Variants in ABCG1 observed in about 807,000 individuals in gnomAD.
ABCG1 encodes ATP-binding cassette sub-family G member 1.
Under a neutral mutation model 69.2 loss-of-function variants are expected in ABCG1, and 29 were observed. That is an observed-to-expected ratio of 0.42 (90% CI 0.31 to 0.57). The LOEUF is 0.57. ABCG1 is among the 20% of genes least tolerant of loss of function. The pLI is 0.15. For missense variants in ABCG1, 718 were observed against 898.1 expected, an observed-to-expected ratio of 0.80 and a Z score of 2.56; for synonymous variants, 370 against 374.8, an observed-to-expected ratio of 0.99 and a Z score of 0.15.
At chr21:42,265,995 AGTGGACTT>A (rs1334438758) in intron 2 of ABCG1, among the ~76,000 whole-genome samples, 1 of 152,144 alleles carries the variant, frequency 6.6e-6, no homozygotes, top group African/African-American at 2.4e-5. Context: ...TTGCTTTGAC[AGTGGACTT>A]GTGAATTGCA....
In ABCG1 at chr21:42,275,302, G is replaced by A. The variant is rs144940001; in HGVS notation, c.538-1593G>A. Among the ~76,000 whole-genome samples the A allele has an allele frequency of 1.2e-4, 18 of 152,276 alleles. No homozygotes were observed. The East Asian group carries it at 3.1e-3, about 26-fold the overall frequency. On this transcript the variant is annotated intron_variant, in intron 4 of 14. Transcript: ENST00000398449. Reference sequence around the variant, plus strand: ...CTGCGTGTTCTGTGGGTAAGCAGACGCCATTCCCCTGGGCCCAGCATCCCT... The same window carrying A: ...CTGCGTGTTCTGTGGGTAAGCAGACACCATTCCCCTGGGCCCAGCATCCCT...
chr21:42,283,097 A>G (rs2068843755), intron 6 of ABCG1, among the ~76,000 whole-genome samples: 1 of 152,208 alleles, frequency 6.6e-6, no homozygotes, highest in Non-Finnish European at 1.5e-5. Context: ...GGTGGCCAGG[A>G]ACCAGGCTTC....
At chr21:42,200,580 A>G (rs902322271) in intron 1 of ABCG1, among the ~76,000 whole-genome samples, 1 of 148,188 alleles carries the variant, frequency 6.7e-6, no homozygotes, top group Non-Finnish European at 1.5e-5. Context: ...TTCAAATGCA[A>G]TACTTTTATG....
At chr21:42,232,487 G>C (rs934498486) in intron 2 of ABCG1, among the ~76,000 whole-genome samples, 2 of 152,190 alleles carry the variant, frequency 1.3e-5, no homozygotes, top group East Asian at 3.8e-4. Flanking sequence ...CAGATTGGCA[G>C]GTTCTTTATT....
chr21:42,272,352 G>T (rs987160320), intron 3 of ABCG1, among the ~76,000 whole-genome samples: 5 of 152,198 alleles, frequency 3.3e-5, no homozygotes, highest in African/African-American at 4.8e-5. Flanking sequence ...TCTCGGAGCT[G>T]CAGAGGCCAC....
rs1415533589 is a variant in ABCG1, at chr21:42,283,737, G to A, written c.735-823G>A. Among the ~76,000 whole-genome samples, 3 of 56,882 alleles carry A rather than the reference G, an allele frequency of 5.3e-5. 1 individual carries two copies. The highest frequency in any genetic ancestry group is 1.1e-4 in the Non-Finnish European group (3 of 27,764). 37.3% of individuals were successfully genotyped at this position (56,882 alleles called of 152,430 possible). A position where few individuals can be genotyped will look rare whatever the true frequency, so the allele number is the denominator to read the frequency against. On this transcript the variant is annotated intron_variant, in intron 6 of 14. Transcript: ENST00000398449. ...TACCACCCACCACCCAGATGAGTGG[G>A]GACCCCCCACCTCTGTCCTGCCTGG...
At chr21:42,256,687 G>A (rs2068311484) in intron 2 of ABCG1, 7 of 1,438,306 alleles carry the variant, frequency 4.9e-6, no homozygotes, top group Non-Finnish European at 6.4e-6. Context: ...GAGACTGATG[G>A]CTTCTCTGCA....
chr21:42,255,863 C>T (rs973386092), intron 2 of ABCG1, among the ~76,000 whole-genome samples: 2 of 152,236 alleles, frequency 1.3e-5, no homozygotes, highest in African/African-American at 4.8e-5. Flanking sequence ...TGAGCCTTCT[C>T]CTTCTTAACT....
intron 5 of ABCG1, 140 bp downstream of exon 5, chr21:42,277,085 A>G (rs2234718): frequency 0.24 from 204,180 of 847,740 alleles, 25,994 homozygotes; most frequent in African/African-American, 0.36. Flanking sequence ...TGGGACAGGC[A>G]ACATTTCAGG....
intron 2 of ABCG1, among the ~76,000 whole-genome samples, chr21:42,229,581 G>A (rs1327864101): frequency 1.3e-5 from 2 of 152,082 alleles, no homozygotes; most frequent in Admixed American, 1.3e-4. Context: ...ATAGCCAAGC[G>A]TGGTGGCGAG....
chr21:42,229,100 C>T (rs2067862987), intron 2 of ABCG1, among the ~76,000 whole-genome samples: 1 of 152,178 alleles, frequency 6.6e-6, no homozygotes, highest in Non-Finnish European at 1.5e-5. Flanking sequence ...CCTCCAATTG[C>T]TGGCGGTGGT....
Position 42,208,204 on chromosome 21 carries a change from G to A in ABCG1, c.48+6481G>A, listed in dbSNP as rs137999141. Among the ~76,000 whole-genome samples the A allele has an allele frequency of 4.7e-3, 714 of 151,164 alleles. 5 individuals are homozygous for A. The highest frequency in any genetic ancestry group is 0.016 in the African/African-American group (664 of 41,024). On this transcript the variant is annotated intron_variant, in intron 2 of 15. Transcript: ENST00000398457. ...CTTTTCCTATTCTTTTGGCTAGAGAGAGCAGGCTTTTGTTGGGACTTTTTT... is the reference window on the plus strand; with the variant it reads ...CTTTTCCTATTCTTTTGGCTAGAGAAAGCAGGCTTTTGTTGGGACTTTTTT...
chr21:42,254,320 CAA>C (rs918254853), intron 2 of ABCG1, among the ~76,000 whole-genome samples: 2 of 152,192 alleles, frequency 1.3e-5, no homozygotes, highest in Non-Finnish European at 2.9e-5. Flanking sequence ...CATAGTCTGA[CAA>C]ATTAAATCAG....
chr21:42,254,983 A>T (rs913702266), intron 2 of ABCG1, among the ~76,000 whole-genome samples: 2 of 152,242 alleles, frequency 1.3e-5, no homozygotes, highest in African/African-American at 2.4e-5. Context: ...TGAGACTTGG[A>T]GATCATTTGG....
chr21:42,210,959 C>CTTT (rs1555945834), intron 2 of ABCG1, among the ~76,000 whole-genome samples: 1 of 137,378 alleles, frequency 7.3e-6, no homozygotes, highest in Non-Finnish European at 1.6e-5. Flanking sequence ...TTTCTTTCTT[C>CTTT]TTTTTTTTTT....
rs17114583 is a variant in ABCG1 at position 42,255,113 on chromosome 21, C to T, written c.287-15957C>T. Among the ~76,000 whole-genome samples, 740 of 152,340 alleles carry T rather than the reference C, an allele frequency of 4.9e-3. 10 individuals carry two copies. The highest frequency in any genetic ancestry group is 0.017 in the African/African-American group (689 of 41,578). On this transcript the variant is annotated intron_variant, in intron 2 of 14. Coordinates refer to ENST00000398449, the MANE Select transcript of ABCG1 (RefSeq NM_016818.3). ...TTCTGCTTTTAGAAGTATAAAAATACCGCAGGGATGGAAAATGCTTCATGC... is the reference window on the plus strand; with the variant it reads ...TTCTGCTTTTAGAAGTATAAAAATATCGCAGGGATGGAAAATGCTTCATGC...
chr21:42,216,914 C>T (rs370676359), upstream of ABCG1, among the ~76,000 whole-genome samples: 13 of 152,202 alleles, frequency 8.5e-5, no homozygotes, highest in East Asian at 1.9e-4. Flanking sequence ...TTATTTCCCA[C>T]GTGGTGGGGA....
At chr21:42,231,303 C>A (rs554202330) in intron 2 of ABCG1, among the ~76,000 whole-genome samples, 20 of 152,294 alleles carry the variant, frequency 1.3e-4, no homozygotes, top group African/African-American at 2.6e-4. Context: ...GGCTTTAGAG[C>A]GTTTTCTTTC....
intron 2 of ABCG1, chr21:42,259,945 G>A (rs752707062): frequency 2.8e-5 from 41 of 1,479,768 alleles, no homozygotes; most frequent in Middle Eastern, 1.8e-4. Flanking sequence ...TGGGTTGGAC[G>A]GTGGTGTTGG....
Sources: gnomAD v4.1 joint callset for allele counts (sites outside exome capture counted in the v4.1 genomes callset) on GRCh38, gnomAD v4.1.1 for gene constraint, MANE v1.5 for transcripts, NCBI Gene and HGNC (gene_info 2026-07-23, HGNC 2026-07-21) for gene names.